The following IL1RAPL1 variants were observed in gnomAD, a reference collection of about 807,000 sequenced individuals.
The protein encoded by IL1RAPL1 is interleukin 1 receptor accessory protein like 1, also known as interleukin-1 receptor accessory protein-like 1.
A neutral mutation model predicts 48.4 loss-of-function variants in IL1RAPL1; 3 were observed. The observed-to-expected ratio is 0.06, with a 90% CI of 0.03 to 0.16. The LOEUF (loss-of-function observed/expected upper bound fraction) is 0.16, where lower values mean the gene tolerates loss of function less well. Among genes scored for constraint, IL1RAPL1 ranks in the 10% least tolerant of loss-of-function variants. IL1RAPL1 has a pLI of 1.00. For missense variants in IL1RAPL1, 349 were observed against 530.6 expected (o/e 0.66, Z 3.36); for synonymous variants, 185 against 187.7 (o/e 0.99, Z 0.12).
chrX:29,575,326 G>A (rs774076268), intron 5 of IL1RAPL1, among the ~76,000 whole-genome samples: 3 of 111,863 alleles, frequency 2.7e-5, no homozygotes, highest in Non-Finnish European at 5.6e-5. Context: ...GGGAAAACAA[G>A]GAAATAGTAG....
chrX:29,346,556 T>C (rs895598245), intron 3 of IL1RAPL1, among the ~76,000 whole-genome samples: 7 of 112,644 alleles, frequency 6.2e-5, no homozygotes, highest in African/African-American at 1.9e-4. Context: ...TAAGACTGCA[T>C]GATAAAATTA....
chrX:29,453,422 A>C (rs888973039), intron 5 of IL1RAPL1, among the ~76,000 whole-genome samples: 1 of 111,901 alleles, frequency 8.9e-6, no homozygotes, highest in East Asian at 2.8e-4. Context: ...TCCAAGACAC[A>C]TACATAATCG....
intron 2 of IL1RAPL1, among the ~76,000 whole-genome samples, chrX:29,089,380 T>C (rs185777044): frequency 1.9e-4 from 21 of 110,545 alleles, no homozygotes; most frequent in East Asian, 8.6e-4. Flanking sequence ...AACTTTTTTT[T>C]GGTGGAGAGG....
At chrX:28,753,936 G>A (rs74753256) in intron 1 of IL1RAPL1, among the ~76,000 whole-genome samples, 2 of 110,780 alleles carry the variant, frequency 1.8e-5, no homozygotes, top group South Asian at 3.9e-4. Flanking sequence ...GAGAGAGAGA[G>A]AGAGACAGAG....
In IL1RAPL1 at chrX:29,575,393, A is replaced by C. The variant is rs755321540; in HGVS notation, c.704-93037A>C. ...CGGGGAAGCCAGCAGTGCAGCCTTC[A>C]GTCTGTGGCTGAAGGGCTGACAGCC... On this transcript the variant is annotated intron_variant, in intron 5 of 10. Transcript: ENST00000378993. 8.9e-5 allele frequency among the ~76,000 whole-genome samples: 10 copies of C among 111,796 alleles called. No homozygotes were observed. In the East Asian group the frequency reaches 2.3e-3, roughly 25 times the overall value.
intron 5 of IL1RAPL1, among the ~76,000 whole-genome samples, chrX:29,531,636 G>A (rs949277654): frequency 8.9e-6 from 1 of 111,961 alleles, no homozygotes; most frequent in East Asian, 2.8e-4. Flanking sequence ...GAACCGAGTG[G>A]TTTAAAACAA....
At chrX:29,373,609 A>T (rs963379067) in intron 3 of IL1RAPL1, among the ~76,000 whole-genome samples, 14 of 110,200 alleles carry the variant, frequency 1.3e-4, no homozygotes, top group African/African-American at 4.6e-4. Context: ...TAGTTCTTTG[A>T]TGTTGTTGTT....
At chrX:29,270,685 A>G (rs1331632819) in intron 2 of IL1RAPL1, among the ~76,000 whole-genome samples, 1 of 112,029 alleles carries the variant, frequency 8.9e-6, no homozygotes, top group Non-Finnish European at 1.9e-5. Flanking sequence ...TGATTATGGT[A>G]ACTGTGATAA....
intron 2 of IL1RAPL1, among the ~76,000 whole-genome samples, chrX:29,165,126 C>G (rs760087116): frequency 1.8e-5 from 2 of 112,004 alleles, no homozygotes; most frequent in East Asian, 5.6e-4. Flanking sequence ...TGAGAACAGC[C>G]TGGCCAATGA....
At chrX:29,548,143 G>A (rs1408536693) in intron 5 of IL1RAPL1, among the ~76,000 whole-genome samples, 3 of 112,575 alleles carry the variant, frequency 2.7e-5, no homozygotes, top group East Asian at 2.8e-4. Context: ...GATCTGAAAC[G>A]AAACACCTGT....
intron 5 of IL1RAPL1, among the ~76,000 whole-genome samples, chrX:29,608,396 AAAGG>A (rs1443686980): frequency 1.7e-4 from 19 of 110,496 alleles, no homozygotes; most frequent in East Asian, 5.6e-4. Context: ...TCAAAAAAAA[AAAGG>A]AAGGAAGGAA....
chrX:29,617,894 C>T (rs1056170648), intron 5 of IL1RAPL1, among the ~76,000 whole-genome samples: 7 of 111,677 alleles, frequency 6.3e-5, no homozygotes, highest in African/African-American at 2.3e-4. Context: ...GGAAAGAAAT[C>T]AGCTCTCAAA....
chrX:29,103,696 G>A (rs1198038692), intron 2 of IL1RAPL1, among the ~76,000 whole-genome samples: 1 of 111,383 alleles, frequency 9.0e-6, no homozygotes, highest in African/African-American at 3.3e-5. Flanking sequence ...CCCCAAGAAT[G>A]AAAGAAAATA....
At chrX:28,730,565 C>G (rs1935742287) in intron 1 of IL1RAPL1, among the ~76,000 whole-genome samples, 1 of 111,344 alleles carries the variant, frequency 9.0e-6, no homozygotes, top group South Asian at 3.7e-4. Context: ...ATAATATTTT[C>G]CAGTTTTCTT....
intron 2 of IL1RAPL1, among the ~76,000 whole-genome samples, chrX:29,236,301 T>C (rs1361112693): frequency 9.0e-6 from 1 of 111,490 alleles, no homozygotes; most frequent in Non-Finnish European, 1.9e-5. Flanking sequence ...GAGGATGTGA[T>C]TAATGTTACT....
intron 6 of IL1RAPL1, among the ~76,000 whole-genome samples, chrX:29,807,597 AG>A (rs1386217143): frequency 2.2e-5 from 2 of 91,633 alleles, no homozygotes; most frequent in Non-Finnish European, 4.2e-5. Flanking sequence ...CCTGGGCGAC[AG>A]AGCAAGACTC....
chrX:29,048,612 T>C (rs1927026856), intron 2 of IL1RAPL1, among the ~76,000 whole-genome samples: 1 of 112,214 alleles, frequency 8.9e-6, no homozygotes, highest in African/African-American at 3.2e-5. Context: ...GCTCTATTAA[T>C]GTTTAGATAG....
intron 5 of IL1RAPL1, among the ~76,000 whole-genome samples, chrX:29,455,533 T>G: frequency 8.9e-6 from 1 of 112,146 alleles, no homozygotes; most frequent in East Asian, 2.8e-4. Context: ...TGAAAGCCTT[T>G]ACTCTTTAGC....
intron 5 of IL1RAPL1, among the ~76,000 whole-genome samples, chrX:29,589,923 C>T (rs192115194): frequency 6.2e-4 from 69 of 110,949 alleles, no homozygotes; most frequent in African/African-American, 2.1e-3. Flanking sequence ...TCACAATCGG[C>T]GCAGAAGGTG....
Sources: gnomAD v4.1 joint callset for allele counts (sites outside exome capture counted in the v4.1 genomes callset) on GRCh38, gnomAD v4.1.1 for gene constraint, MANE v1.5 for transcripts, NCBI Gene and HGNC (gene_info 2026-07-23, HGNC 2026-07-21) for gene names.